SHANK1: variants seen among roughly 807,000 people sequenced by gnomAD.
The protein encoded by SHANK1 is SH3 and multiple ankyrin repeat domains 1.
In SHANK1, 35 loss-of-function variants were observed where a neutral mutation model predicts 165.6. The ratio of observed to expected loss-of-function variants is 0.21; its 90% CI spans 0.16 to 0.28. The LOEUF (loss-of-function observed/expected upper bound fraction) is 0.28, where lower values mean the gene tolerates loss of function less well. SHANK1 is among the 10% of genes least tolerant of loss of function. The probability of loss-of-function intolerance (pLI) is 1.00; values close to 1 mark genes in which losing one functional copy is unlikely to be tolerated. For synonymous variants in SHANK1, 1,428 were observed against 1,384.8 expected, an observed-to-expected ratio of 1.03 and a Z score of -0.69; for missense variants, 2,681 against 3,036.4, an observed-to-expected ratio of 0.88 and a Z score of 2.75.
chr19:50,714,969 C>G (rs144412086), intron 4 of SHANK1, among the ~76,000 whole-genome samples: 2 of 151,992 alleles, frequency 1.3e-5, no homozygotes, highest in Admixed American at 6.6e-5. Context: ...CAAAGTGGAC[C>G]GTGAAAGTCT....
At position 50,680,463 on chromosome 19, in the gene SHANK1, A is replaced by G. The variant is rs372138794; in HGVS notation, c.2577+5774T>C. Among the ~76,000 whole-genome samples, 42 of 152,194 alleles carry G rather than the reference A, an allele frequency of 2.8e-4. 1 individual carries two copies. The South Asian group carries it at 8.7e-3, about 32-fold the overall frequency. ...CGGGTGACAAAGACAGTACCAGAGA[A>G]AGCCAAAGCCATACCGAGGGGCGGA... On this transcript the variant is annotated intron_variant, in intron 21 of 23. Coordinates refer to ENST00000293441, the MANE Select transcript of SHANK1 (RefSeq NM_016148.5).
chr19:50,671,672 G>A (rs1323158160), intron 22 of SHANK1, among the ~76,000 whole-genome samples: 1 of 151,996 alleles, frequency 6.6e-6, no homozygotes, highest in Non-Finnish European at 1.5e-5. Context: ...TGTGGGGAGC[G>A]CTTGGTAAAC....
Position 50,712,025 on chromosome 19 carries a change from G to A in SHANK1, c.882C>T (p.Pro294=). The change falls in exon 7 of 24, where the codon CCC becomes CCT. Residue 294 remains proline (P), a synonymous_variant. Transcript: ENST00000293441. ...TGAACAGGAGCAGCTCGCAGCATCG[G>A]GGGTCACCACCCACCATGGCCGTGT... ...LFHTAMVGGD[P]RCCELLLFNR... 1 of 1,614,000 alleles carries A rather than the reference G, an allele frequency of 6.2e-7. No homozygotes were observed. Among genetic ancestry groups the A allele is most frequent in the Non-Finnish European group, 8.5e-7 (1 of 1,179,996 alleles).
chr19:50,675,674 G>A (rs1985954106), intron 21 of SHANK1, among the ~76,000 whole-genome samples: 1 of 152,188 alleles, frequency 6.6e-6, no homozygotes, highest in South Asian at 2.1e-4. Context: ...TCAGATGGAG[G>A]TAAGAGGGAG....
At position 50,716,833 on chromosome 19, in the gene SHANK1, GGAGCTGTCGGACTCT is replaced by G; in HGVS notation, c.72_86del (p.Glu25_Ser29del). The G allele has an allele frequency of 6.4e-7, 1 of 1,562,454 alleles. No individual in the cohort carries two copies. The highest frequency in any genetic ancestry group is 8.6e-7 in the Non-Finnish European group (1 of 1,158,778). On this transcript the variant is annotated inframe_deletion, in exon 2 of 24. Transcript: ENST00000293441. This position sits in a 1 kb window ranked among gnomAD's most constrained non-coding sequence, Gnocchi z 8.4. ...GGGGGCCTCGACCTGGCCCGTCTGG[GGAGCTGTCGGACTCT>G]GAGCCCCCCTCGGGACACTCGCTGG...
rs1986942138 is a variant in SHANK1 at position 50,702,286 on chromosome 19, G to C, written c.1747+181C>G. On this transcript the variant is annotated intron_variant, in intron 12 of 23. Transcript: ENST00000293441. This position sits in a 1 kb window ranked among gnomAD's most constrained non-coding sequence, Gnocchi z 5.3. ...CGGCTCACTTCACTGCCTCCTGACA[G>C]GGTCATCTGAGCTACACTCTATGGT... is the stretch of plus-strand genomic sequence containing the variant. Among the ~76,000 whole-genome samples, 1 of 152,116 alleles carries C rather than the reference G, an allele frequency of 6.6e-6. No homozygotes were observed. The highest frequency in any genetic ancestry group is 1.5e-5 in the Non-Finnish European group (1 of 67,996).
chr19:50,705,753 C>T (rs981054446), intron 8 of SHANK1, among the ~76,000 whole-genome samples: 86 of 152,328 alleles, frequency 5.6e-4, no homozygotes, highest in African/African-American at 1.9e-3. Flanking sequence ...TACCATGTTA[C>T]GTGCCAGGCG....
chr19:50,703,892 A>G (rs548933706), intron 10 of SHANK1, 62 bp from the exon 11 acceptor site: 103 of 726,500 alleles, frequency 1.4e-4, no homozygotes, highest in Non-Finnish European at 2.1e-4. Flanking sequence ...GCAGGGGGCC[A>G]TGCGGGGGCA....
intron 11 of SHANK1, among the ~76,000 whole-genome samples, chr19:50,703,033 C>G (rs916246374): frequency 5.3e-5 from 8 of 152,200 alleles, no homozygotes; most frequent in Admixed American, 2.6e-4. Context: ...GCCTCTCCCC[C>G]ACTTCCTCGG....
intron 15 of SHANK1, among the ~76,000 whole-genome samples, chr19:50,693,430 G>C (rs1458907999): frequency 6.6e-6 from 1 of 150,952 alleles, no homozygotes; most frequent in African/African-American, 2.4e-5. Context: ...GCTCCCTCTG[G>C]CTGACTACCT....
Position 50,716,731 on chromosome 19 carries a change from G to A in SHANK1, c.189C>T (p.Ser63=), listed in dbSNP as rs41275790. The change falls in exon 2 of 24, where the codon TCC becomes TCT. Residue 63 remains serine, a synonymous_variant. Transcript: ENST00000293441. The surrounding 1 kb of genome is among the most constrained non-coding windows in gnomAD (Gnocchi z 8.4). ...SVRGLQGRSM[S]VPDDAHFSMM... ...TGCTGAAGTGGGCGTCGTCTGGGAC[G>A]GACATTGAGCGGCCCTGGAGGCCTC... 697 of 1,607,612 alleles carry A rather than the reference G, an allele frequency of 4.3e-4. 1 individual carries two copies. The highest frequency in any genetic ancestry group is 5.6e-4 in the East Asian group (25 of 44,734).
In SHANK1 at chr19:50,667,136, C is replaced by T. The variant is rs930773465; in HGVS notation, c.4824G>A (p.Pro1608=). 12 of 834,154 alleles carry T rather than the reference C, an allele frequency of 1.4e-5. No individual in the cohort carries two copies. Among genetic ancestry groups the T allele is most frequent in the Non-Finnish European group, 2.0e-5 (11 of 562,696 alleles). The allele number at this position is 834,154 out of a possible 1,614,324, so 51.7% of individuals were successfully genotyped here. The change falls in exon 23 of 24, where the codon CCG becomes CCA. Residue 1608 remains proline (P), a synonymous_variant. Coordinates refer to ENST00000293441, the MANE Select transcript of SHANK1 (RefSeq NM_016148.5). This position sits in a 1 kb window ranked among gnomAD's most constrained non-coding sequence, Gnocchi z 5.7. ...GGGTGGGAGGGGCTGCGGCCACAGC[C>T]GGGGGTGGCACAGGGGGTAACGGGG... is the stretch of plus-strand genomic sequence containing the variant. ...PATPLPPVPP[P]AVAAAPPTLD... is the part of the protein sequence containing the mutation.
Position 50,688,839 on chromosome 19 carries a change from C to T in SHANK1, c.2172+5G>A, listed in dbSNP as rs1248177567. The T allele has an allele frequency of 6.2e-7, 1 of 1,607,386 alleles. No homozygotes were observed. The highest frequency in any genetic ancestry group is 8.5e-7 in the Non-Finnish European group (1 of 1,176,984). The stretch of plus-strand genomic sequence containing the variant: ...TCCCAGGGAAGAGAGGGGGCCTGGA[C>T]TGACCTCGATGAGGAAGTCTCCCAT... On this transcript the variant is annotated splice_donor_5th_base_variant and intron_variant, in intron 17 of 23. Transcript: ENST00000293441. This position sits in a 1 kb window ranked among gnomAD's most constrained non-coding sequence, Gnocchi z 6.7.
Position 50,688,989 on chromosome 19 carries a change from G to T in SHANK1, c.2048-21C>A. 1.3e-6 allele frequency: 2 copies of T among 1,527,690 alleles called. No individual in the cohort carries two copies. The highest frequency in any genetic ancestry group is 8.9e-7 in the Non-Finnish European group (1 of 1,127,942). The allele number at this position is 1,527,690 out of a possible 1,614,324, so 94.6% of individuals were successfully genotyped here. On this transcript the variant is annotated intron_variant, in intron 16 of 23. Coordinates refer to ENST00000293441, the MANE Select transcript of SHANK1 (RefSeq NM_016148.5). This position sits in a 1 kb window ranked among gnomAD's most constrained non-coding sequence, Gnocchi z 6.7. ...CTGCGCTGCAGACAGGGAGGAGCCG[G>T]CGGGGTCGGAGGGGAGGGGGTGGAG... is the stretch of plus-strand genomic sequence containing the variant.
At chr19:50,683,043 T>A (rs4239491) in intron 21 of SHANK1, among the ~76,000 whole-genome samples, 4 of 152,046 alleles carry the variant, frequency 2.6e-5, no homozygotes, top group African/African-American at 4.8e-5. Context: ...TGTTGCCCAC[T>A]CTGGTCTCGA....
intron 22 of SHANK1, 110 bp downstream of exon 22, chr19:50,671,908 A>G: frequency 3.7e-6 from 3 of 816,886 alleles, no homozygotes; most frequent in Non-Finnish European, 6.0e-6. Flanking sequence ...ATTTGATGAA[A>G]CTATGGTCTC....
chr19:50,660,918 C>T lies in SHANK1; in HGVS notation c.*1047G>A. 9.9e-6 allele frequency among the ~76,000 whole-genome samples: 1 copy of T among 101,182 alleles called. No individual in the cohort carries two copies. 66.4% of individuals were successfully genotyped at this position (101,182 alleles called of 152,430 possible). A position where few individuals can be genotyped will look rare whatever the true frequency, so the allele number is the denominator to read the frequency against. On this transcript the variant is annotated 3_prime_UTR_variant, in exon 24 of 24. Coordinates refer to ENST00000293441, the MANE Select transcript of SHANK1 (RefSeq NM_016148.5). Reference sequence around the variant, plus strand: ...AAAGGCGTGACCAAAAGTGACGGTGCAAAAGGGGCAAGAGGGAAGGCGGGG... The same window carrying T: ...AAAGGCGTGACCAAAAGTGACGGTGTAAAAGGGGCAAGAGGGAAGGCGGGG...
chr19:50,699,293 CTG>C (rs1986831908), intron 12 of SHANK1, among the ~76,000 whole-genome samples: 1 of 152,212 alleles, frequency 6.6e-6, no homozygotes. Context: ...AGGGTAGACA[CTG>C]TTGAATATAA....
In SHANK1 at chr19:50,662,916, A is replaced by G. The variant is rs773229426; in HGVS notation, c.5769-234T>C. 1.3e-5 allele frequency among the ~76,000 whole-genome samples: 2 copies of G among 152,042 alleles called. No individual in the cohort carries two copies. Among genetic ancestry groups the G allele is most frequent in the Non-Finnish European group, 2.9e-5 (2 of 68,002 alleles). On this transcript the variant is annotated intron_variant, in intron 23 of 23. Transcript: ENST00000293441. This position sits in a 1 kb window ranked among gnomAD's most constrained non-coding sequence, Gnocchi z 7.7. ...GAGGACAGGGAGAGGGCGACAGTTA[A>G]GAGAGATGAAAGAAAAAGAGACATT...
Sources: gnomAD v4.1 joint callset for allele counts (sites outside exome capture counted in the v4.1 genomes callset) on GRCh38, gnomAD v4.1.1 for gene constraint, Gnocchi (gnomAD v3.1) non-coding constraint, MANE v1.5 for transcripts, NCBI Gene and HGNC (gene_info 2026-07-23, HGNC 2026-07-21) for gene names.